The following SLC9A8 variants were observed in gnomAD, a reference collection of about 807,000 sequenced individuals.
SLC9A8 encodes the protein solute carrier family 9 member A8.
SLC9A8 carries 48 observed loss-of-function variants against 66.6 expected under a neutral mutation model. The ratio of observed to expected loss-of-function variants is 0.72; its 90% CI spans 0.57 to 0.92. The LOEUF (loss-of-function observed/expected upper bound fraction) is 0.92, where lower values mean the gene tolerates loss of function less well. Among genes scored for constraint, SLC9A8 ranks in the 40% least tolerant of loss-of-function variants. SLC9A8 has a pLI of 0.00. For missense variants in SLC9A8, 599 were observed against 747.3 expected, an observed-to-expected ratio of 0.80 and a Z score of 2.31; for synonymous variants, 274 against 282.6, an observed-to-expected ratio of 0.97 and a Z score of 0.31.
At chr20:49,855,282 A>T (rs1447508548) in intron 7 of SLC9A8, among the ~76,000 whole-genome samples, 156 bp from the exon 8 acceptor site, 1 of 152,254 alleles carries the variant, frequency 6.6e-6, no homozygotes. Flanking sequence ...ACAAAACAGC[A>T]GATAAGTGGG....
intron 8 of SLC9A8, among the ~76,000 whole-genome samples, chr20:49,856,728 AG>A (rs1295413274): frequency 6.6e-6 from 1 of 151,806 alleles, no homozygotes; most frequent in African/African-American, 2.4e-5. Context: ...AGGCTGAGGC[AG>A]GAGAATCACT....
At chr20:49,839,152 G>A (rs2087662469) in intron 3 of SLC9A8, among the ~76,000 whole-genome samples, 1 of 152,162 alleles carries the variant, frequency 6.6e-6, no homozygotes, top group African/African-American at 2.4e-5. Flanking sequence ...AAGTGATCAT[G>A]GATTCTTTTT....
At chr20:49,871,253 G>C (rs1246935381) in intron 10 of SLC9A8, among the ~76,000 whole-genome samples, 2 of 152,120 alleles carry the variant, frequency 1.3e-5, no homozygotes, top group African/African-American at 2.4e-5. Flanking sequence ...AGTAAGGCAC[G>C]GTACAGTGTA....
rs1048389336 is a variant in SLC9A8, at chr20:49,886,359, G to A, written c.1492-393G>A. The A allele has an allele frequency of 6.2e-6, 1 of 160,452 alleles. No homozygotes were observed. Among genetic ancestry groups the A allele is most frequent in the Non-Finnish European group, 1.4e-5 (1 of 73,780 alleles). 9.9% of individuals were successfully genotyped at this position (160,452 alleles called of 1,614,324 possible). On this transcript the variant is annotated intron_variant, in intron 14 of 15. Coordinates refer to ENST00000361573, the MANE Select transcript of SLC9A8 (RefSeq NM_015266.3). The surrounding 1 kb of genome is among the most constrained non-coding windows in gnomAD (Gnocchi z 4.8). The stretch of plus-strand genomic sequence containing the variant: ...TGATTGGCAAAAGCCTGTCCACGGT[G>A]GAGTCCTAGCTAATAGAGCCACAGG...
intron 7 of SLC9A8, among the ~76,000 whole-genome samples, chr20:49,852,090 T>A (rs1403112625): frequency 1.3e-5 from 2 of 152,128 alleles, no homozygotes; most frequent in African/African-American, 4.8e-5. Context: ...TGACGATCCC[T>A]CAGATGGGGA....
At chr20:49,844,157 G>A (rs1217583265) in intron 4 of SLC9A8, among the ~76,000 whole-genome samples, 1 of 152,148 alleles carries the variant, frequency 6.6e-6, no homozygotes, top group African/African-American at 2.4e-5. Context: ...CACATGGTAA[G>A]GGGCTGTCTT....
intron 8 of SLC9A8, among the ~76,000 whole-genome samples, chr20:49,858,748 A>G (rs959378267): frequency 2.0e-5 from 3 of 152,052 alleles, no homozygotes; most frequent in African/African-American, 4.8e-5. Flanking sequence ...ACCTGAGGTC[A>G]GGAGTTTGAG....
chr20:49,852,242 C>T (rs748823623), intron 7 of SLC9A8, among the ~76,000 whole-genome samples: 16 of 152,168 alleles, frequency 1.1e-4, no homozygotes, highest in East Asian at 1.9e-4. Context: ...CACTTCTCAG[C>T]GCCAACTCAT....
At chr20:49,885,503 T>C (rs2089856849) in intron 14 of SLC9A8, among the ~76,000 whole-genome samples, 1 of 152,196 alleles carries the variant, frequency 6.6e-6, no homozygotes. Context: ...TTTTTTCTTA[T>C]TTTTAGTAGA....
Position 49,849,577 on chromosome 20 carries a change from A to C in SLC9A8, c.433-2A>C. On this transcript the variant is annotated splice_acceptor_variant, in intron 5 of 15. Transcript: ENST00000361573. LOFTEE classifies it high-confidence loss of function. ...TTCCCTGATTTCTGCTCTTTCAAAC[A>C]GGGTAACTTCTTTCAAAATATTGGT... 1 of 1,610,406 alleles carries C rather than the reference A, an allele frequency of 6.2e-7. No homozygotes were observed. The highest frequency in any genetic ancestry group is 2.2e-5 in the East Asian group (1 of 44,864).
intron 12 of SLC9A8, among the ~76,000 whole-genome samples, chr20:49,880,228 C>A (rs2089574730): frequency 6.8e-6 from 1 of 146,878 alleles, no homozygotes; most frequent in Non-Finnish European, 1.5e-5. Flanking sequence ...CACACCACTG[C>A]ACTCCAGCAT....
intron 2 of SLC9A8, among the ~76,000 whole-genome samples, chr20:49,821,971 A>G (rs1327903558): frequency 3.9e-5 from 6 of 152,198 alleles, no homozygotes; most frequent in African/African-American, 7.2e-5. Context: ...ATCTGACTCA[A>G]TACTGCAGCA....
intron 14 of SLC9A8, among the ~76,000 whole-genome samples, chr20:49,884,334 A>C (rs1428479181): frequency 1.2e-4 from 15 of 124,430 alleles, no homozygotes; most frequent in Non-Finnish European, 1.7e-4. Flanking sequence ...ACACACACAC[A>C]CACCCCCCGG....
At chr20:49,831,000 C>T in intron 3 of SLC9A8, 1 of 748,160 alleles carries the variant, frequency 1.3e-6, no homozygotes, top group South Asian at 1.3e-5. Context: ...CCCATGGCAG[C>T]TGCAGCCAAC....
At chr20:49,825,420 C>T (rs559118882) in intron 3 of SLC9A8, among the ~76,000 whole-genome samples, 7 of 152,200 alleles carry the variant, frequency 4.6e-5, no homozygotes, top group Admixed American at 2.0e-4. Context: ...GTGGGTGGAT[C>T]GCCTCAGGCC....
Position 49,815,199 on chromosome 20 carries a change from GAC to G in SLC9A8, c.208+13_208+14del. On this transcript the variant is annotated intron_variant, in intron 2 of 15. Transcript: ENST00000361573. Reference sequence around the variant, plus strand: ...AGCCTCCTTGTCCTAGGTGAATATGGACACTGTCATCCCCATCATCTGCCATC... The same window carrying G: ...AGCCTCCTTGTCCTAGGTGAATATGGACTGTCATCCCCATCATCTGCCATC... 6.6e-7 allele frequency: 1 copy of G among 1,525,346 alleles called. No homozygotes were observed. The highest frequency in any genetic ancestry group is 1.3e-5 in the South Asian group (1 of 79,962). 94.5% of individuals were successfully genotyped at this position (1,525,346 alleles called of 1,614,324 possible).
At position 49,889,033 on chromosome 20, in the gene SLC9A8, A is replaced by G. The variant is rs1476417750; in HGVS notation, c.*1097A>G. ...CTCCTCTACTCTGACCTGGGGCCCC[A>G]GCATCCTGGAGCACACGCTCCACGC... On this transcript the variant is annotated 3_prime_UTR_variant, in exon 16 of 16. Coordinates refer to ENST00000361573, the MANE Select transcript of SLC9A8 (RefSeq NM_015266.3). 1 of 152,400 alleles carries G rather than the reference A, an allele frequency of 6.6e-6. No homozygotes were observed. Among genetic ancestry groups the G allele is most frequent in the Non-Finnish European group, 1.5e-5 (1 of 68,198 alleles). The allele number at this position is 152,400 out of a possible 1,614,324, so 9.4% of individuals were successfully genotyped here.
intron 1 of SLC9A8, among the ~76,000 whole-genome samples, chr20:49,813,265 C>T (rs75570822): frequency 0.092 from 13,967 of 152,314 alleles, 724 homozygotes; most frequent in Middle Eastern, 0.13. Flanking sequence ...GAGCCCTCTT[C>T]CGCCTCCTCC....
chr20:49,865,754 T>C (rs957580346), intron 10 of SLC9A8, among the ~76,000 whole-genome samples: 1 of 152,156 alleles, frequency 6.6e-6, no homozygotes, highest in Admixed American at 6.5e-5. Flanking sequence ...CTTGTTACGT[T>C]GTAAGGATGT....
Sources: allele counts gnomAD v4.1 joint callset (sites outside exome capture counted in the v4.1 genomes callset), GRCh38; gene constraint gnomAD v4.1.1; non-coding constraint Gnocchi (gnomAD v3.1); transcripts MANE v1.5; gene names NCBI Gene and HGNC (gene_info 2026-07-23, HGNC 2026-07-21).